C12orf56: variants seen among roughly 807,000 people sequenced by gnomAD.
The protein encoded by C12orf56 is chromosome 12 open reading frame 56.
C12orf56 carries 71 observed loss-of-function variants against 69.9 expected under a neutral mutation model. The ratio of observed to expected loss-of-function variants is 1.02; its 90% confidence interval spans 0.84 to 1.24. The LOEUF (loss-of-function observed/expected upper bound fraction) is 1.24, where lower values mean the gene tolerates loss of function less well. C12orf56 is among the 50% of genes most tolerant of loss of function. The pLI, the probability that C12orf56 is intolerant of heterozygous loss-of-function variation, is 0.00. For missense variants in C12orf56, 732 were observed against 738.5 expected (o/e 0.99, Z 0.10); for synonymous variants, 276 against 274.1 (o/e 1.01, Z -0.07).
chr12:64,313,274 A>AAAAAAAAAGAAAGAAAGAAAGAAAGAAAG (rs762664621), intron 4 of C12orf56, among the ~76,000 whole-genome samples: 13 of 81,424 alleles, frequency 1.6e-4, no homozygotes, highest in East Asian at 4.0e-4. Flanking sequence ...AAAAAAAAAA[A>AAAAAAAAAGAAAGAAAGAAAGAAAGAAAG]AAAGAAAGAA....
At chr12:64,286,124 T>C (rs1592419858) in intron 6 of C12orf56, 64 bp from the exon 7 acceptor site, 15 of 968,814 alleles carry the variant, frequency 1.5e-5, no homozygotes, top group Non-Finnish European at 2.3e-5. Flanking sequence ...TTCTCTACTC[T>C]CATGTACTAA....
At chr12:64,380,273 G>T (rs2039703150) in intron 1 of C12orf56, among the ~76,000 whole-genome samples, 1 of 152,074 alleles carries the variant, frequency 6.6e-6, no homozygotes, top group Admixed American at 6.6e-5. Context: ...GCCACCCACT[G>T]CCTGAGTAAC....
chr12:64,274,145 A>C (rs2038023013), intron 11 of C12orf56, among the ~76,000 whole-genome samples: 2 of 150,194 alleles, frequency 1.3e-5, no homozygotes, highest in African/African-American at 4.9e-5. Context: ...CTGAGGCCTG[A>C]GGGATGAGTA....
At chr12:64,364,032 G>T (rs1345551083) in intron 1 of C12orf56, among the ~76,000 whole-genome samples, 2 of 151,394 alleles carry the variant, frequency 1.3e-5, no homozygotes, top group East Asian at 3.9e-4. Context: ...AGAGTGTTGG[G>T]CCAGGCACGG....
rs1389420899 is a variant in C12orf56, at chr12:64,284,877, A to G, written c.1221-124T>C. 4.4e-6 allele frequency: 3 copies of G among 676,632 alleles called. No homozygotes were observed. The Admixed American group carries it at 9.4e-5, about 21-fold the overall frequency. The allele number at this position is 676,632 out of a possible 1,614,324, so 41.9% of individuals were successfully genotyped here. On this transcript the variant is annotated intron_variant, in intron 7 of 12. Transcript: ENST00000543942. ...ATCCATACAGAAAAAAGTACAGGAA[A>G]TAAATTTTGTACATCAAATTGCTAA...
At chr12:64,273,664 C>T (rs1379165861) in intron 11 of C12orf56, among the ~76,000 whole-genome samples, 1 of 152,224 alleles carries the variant, frequency 6.6e-6, no homozygotes, top group African/African-American at 2.4e-5. Flanking sequence ...ATTCACACTG[C>T]ATGTCCCAGA....
At chr12:64,286,126 A>G (rs999855520) in intron 6 of C12orf56, 66 bp from the exon 7 acceptor site, 3 of 947,810 alleles carry the variant, frequency 3.2e-6, no homozygotes, top group African/African-American at 3.3e-5. Flanking sequence ...CTCTACTCTC[A>G]TGTACTAAAA....
In C12orf56 at chr12:64,284,746, T is replaced by C. The variant is rs748787664; in HGVS notation, c.1228A>G (p.Ile410Val). The C allele has an allele frequency of 1.1e-5, 18 of 1,600,830 alleles. No homozygotes were observed. The highest frequency in any genetic ancestry group is 2.2e-5 in the East Asian group (1 of 44,512). Residue 410 changes from isoleucine (I) to valine (V), a missense_variant, in exon 8 of 13, where the codon ATT (isoleucine) becomes GTT (valine). Ile to Val is a conservative substitution (Grantham distance 29). Transcript: ENST00000543942. ...AATACTAGGGTCTGTATAATTTCAA[T>C]GCATGCCCTAGAAAATAAACGATAA... ...SQRVDELVACIEIIQTLVLMF... is the reference protein window; with the variant it reads ...SQRVDELVACVEIIQTLVLMF...
At chr12:64,313,269 AAAAAAAAAG>A (rs757702670) in intron 4 of C12orf56, among the ~76,000 whole-genome samples, 116 of 120,968 alleles carry the variant, frequency 9.6e-4, no homozygotes, top group Admixed American at 1.8e-3. Flanking sequence ...CTCAAAAAAA[AAAAAAAAAG>A]AAAGAAAGAA....
intron 2 of C12orf56, 117 bp downstream of exon 2, chr12:64,352,777 A>G: frequency 7.6e-6 from 7 of 926,182 alleles, no homozygotes; most frequent in African/African-American, 1.7e-5. Context: ...TGGCTGCGTG[A>G]TAGGAACCTG....
At position 64,366,961 on chromosome 12, in the gene C12orf56, A is replaced by G. The variant is rs187018011; in HGVS notation, c.253-13905T>C. On this transcript the variant is annotated intron_variant, in intron 1 of 12. Coordinates refer to ENST00000543942, the MANE Select transcript of C12orf56 (RefSeq NM_001170633.2). ...ATAACATACACTTTATATATTATAT[A>G]TAACATACACTTTATATATTATATA... Among the ~76,000 whole-genome samples the G allele has an allele frequency of 5.7e-3, 679 of 118,722 alleles. 91 individuals carry two copies. Among genetic ancestry groups the G allele is most frequent in the African/African-American group, 0.021 (627 of 29,980 alleles). The allele number at this position is 118,722 out of a possible 152,430, so 77.9% of individuals were successfully genotyped here.
chr12:64,321,969 TTTC>T (rs2038779241), intron 3 of C12orf56, among the ~76,000 whole-genome samples: 4 of 151,078 alleles, frequency 2.6e-5, no homozygotes, highest in Admixed American at 2.6e-4. Context: ...CCAAATACTT[TTTC>T]TTTTCATTAA....
chr12:64,318,706 A>T lies in C12orf56; in HGVS notation c.763T>A (p.Ser255Thr). The stretch of plus-strand genomic sequence containing the variant: ...CTCTGTGAAGGGGAATCTAAGAGGG[A>T]ATTTCCTAAGTAAAACTCATTTCCA... The part of the protein sequence containing the change: ...GNGNEFYLGN[S>T]LLDSPSQSNS... The change falls in exon 4 of 13, where the codon TCC (serine) becomes ACC (threonine). Residue 255 changes from serine (S) to threonine (T), a missense_variant. Coordinates refer to ENST00000543942, the MANE Select transcript of C12orf56 (RefSeq NM_001170633.2). 6.5e-7 allele frequency: 1 copy of T among 1,537,180 alleles called. No individual in the cohort carries two copies. The highest frequency in any genetic ancestry group is 1.4e-5 in the African/African-American group (1 of 73,136).
chr12:64,290,850 G>A (rs1474688347), intron 6 of C12orf56, among the ~76,000 whole-genome samples: 772 of 14,198 alleles, frequency 0.054, no homozygotes, highest in Non-Finnish European at 0.14. Context: ...GGAGAGTTCT[G>A]TAGATGTCTA....
At chr12:64,316,000 G>A (rs1028458940) in intron 4 of C12orf56, among the ~76,000 whole-genome samples, 5 of 151,572 alleles carry the variant, frequency 3.3e-5, no homozygotes, top group African/African-American at 1.2e-4. Context: ...ATTCTAACCC[G>A]ATTTCTCACT....
rs539338684 is a variant in C12orf56 at position 64,385,928 on chromosome 12, G to A, written c.252+4386C>T. ...GCAGTTACAACTTTAGAATCCTCCC[G>A]AGGTGGGAGGATCATTTGAGGACAG... On this transcript the variant is annotated intron_variant, in intron 1 of 12. Coordinates refer to ENST00000543942, the MANE Select transcript of C12orf56 (RefSeq NM_001170633.2). Among the ~76,000 whole-genome samples the A allele has an allele frequency of 2.6e-4, 40 of 152,198 alleles. No homozygotes were observed. The South Asian group carries it at 6.4e-3, about 25-fold the overall frequency.
rs1263435920 is a variant in C12orf56 at position 64,275,149 on chromosome 12, G to A, written c.1509+149C>T. On this transcript the variant is annotated intron_variant, in intron 10 of 12. Transcript: ENST00000543942. ...AAGTTCATATCATTGAAATCAACCA[G>A]TTTTGGAGACCATCTCAAGTACAAG... 4.0e-6 allele frequency: 3 copies of A among 752,738 alleles called. No homozygotes were observed. The African/African-American group carries it at 5.3e-5, about 13-fold the overall frequency. 46.6% of individuals were successfully genotyped at this position (752,738 alleles called of 1,614,324 possible). A position where few individuals can be genotyped will look rare whatever the true frequency, so the allele number is the denominator to read the frequency against.
chr12:64,382,495 A>C (rs2039732833), intron 1 of C12orf56, among the ~76,000 whole-genome samples: 1 of 152,140 alleles, frequency 6.6e-6, no homozygotes. Flanking sequence ...TATAGTTCTT[A>C]CCATGTTCTA....
intron 8 of C12orf56, among the ~76,000 whole-genome samples, chr12:64,279,230 G>A (rs1482565214): frequency 2.0e-5 from 3 of 152,108 alleles, no homozygotes; most frequent in Non-Finnish European, 4.4e-5. Flanking sequence ...CCACCATTTT[G>A]TAAAATGCTT....
Sources: gnomAD v4.1 joint callset for allele counts (sites outside exome capture counted in the v4.1 genomes callset) on GRCh38, gnomAD v4.1.1 for gene constraint, MANE v1.5 for transcripts, NCBI Gene and HGNC (gene_info 2026-07-23, HGNC 2026-07-21) for gene names.